The following NLRP2 variants were observed in gnomAD, a reference collection of about 807,000 sequenced individuals.
NLRP2 encodes NLR family pyrin domain containing 2, also known as NACHT, LRR and PYD domains-containing protein 2.
Under a neutral mutation model 97.2 loss-of-function variants are expected in NLRP2, and 107 were observed. The ratio of observed to expected loss-of-function variants is 1.10; its 90% CI spans 0.94 to 1.29. The LOEUF is 1.29. NLRP2 is among the 50% of genes most tolerant of loss of function. NLRP2 has a pLI of 0.00. For synonymous variants in NLRP2, 663 were observed against 551.5 expected, an observed-to-expected ratio of 1.20 and a Z score of -2.83; for missense variants, 1,495 against 1,330.3, an observed-to-expected ratio of 1.12 and a Z score of -1.93.
chr19:54,976,071 C>G (rs75456905), intron 3 of NLRP2, among the ~76,000 whole-genome samples: 1 of 149,430 alleles, frequency 6.7e-6, no homozygotes, highest in Non-Finnish European at 1.5e-5. Context: ...TTTTTTTGGA[C>G]AAAGTCTCAC....
rs1410358483 is a variant in NLRP2, at chr19:54,986,177, C to G, written c.2228C>G (p.Ala743Gly). ...TTCAAAAACATTTCCCCAGCTGATG[C>G]TCATCGGAACCTCTGCCTAGCTCTT... is the stretch of plus-strand genomic sequence containing the variant. ...VVFKNISPAD[A>G]HRNLCLALRG... The change falls in exon 8 of 13, where the codon GCT becomes GGT. Residue 743 changes from alanine to glycine, a missense_variant. Ala to Gly is a moderately conservative substitution (Grantham distance 60, BLOSUM62 0). Transcript: ENST00000448584. 6.2e-7 allele frequency: 1 copy of G among 1,613,372 alleles called. No homozygotes were observed. The highest frequency in any genetic ancestry group is 8.5e-7 in the Non-Finnish European group (1 of 1,179,398).
At chr19:54,999,349 AT>A in intron 12 of NLRP2, among the ~76,000 whole-genome samples, 1 of 152,086 alleles carries the variant, frequency 6.6e-6, no homozygotes, top group Non-Finnish European at 1.5e-5. Flanking sequence ...GTTTCTCCAT[AT>A]TGGTCAGGCT....
chr19:54,967,006 C>A (rs1262005758), intron 1 of NLRP2, among the ~76,000 whole-genome samples: 1 of 151,660 alleles, frequency 6.6e-6, no homozygotes, highest in African/African-American at 2.4e-5. Flanking sequence ...CACATCTGTT[C>A]TGGCTAATAA....
At chr19:54,990,263 T>C in intron 9 of NLRP2, 71 bp downstream of exon 9, 1 of 1,505,036 alleles carries the variant, frequency 6.6e-7, no homozygotes, top group Non-Finnish European at 9.2e-7. Flanking sequence ...TGGTCATGCC[T>C]GACTTGGCTG....
intron 11 of NLRP2, among the ~76,000 whole-genome samples, chr19:54,995,132 G>A (rs1398734071): frequency 1.1e-5 from 1 of 89,312 alleles, no homozygotes; most frequent in African/African-American, 5.2e-5. Flanking sequence ...TGGCCAACTT[G>A]AAACTCCATC....
chr19:54,997,833 G>A (rs541781197), intron 12 of NLRP2, among the ~76,000 whole-genome samples: 4 of 141,226 alleles, frequency 2.8e-5, no homozygotes, highest in African/African-American at 1.1e-4. Flanking sequence ...ATGATGGCTC[G>A]CTGCAGGCTC....
chr19:54,994,911 A>G (rs1195220546), intron 11 of NLRP2, among the ~76,000 whole-genome samples: 4 of 150,546 alleles, frequency 2.7e-5, no homozygotes, highest in Non-Finnish European at 5.9e-5. Context: ...GCCAGGCCCT[A>G]TGTCTAAGTT....
At position 54,983,630 on chromosome 19, in the gene NLRP2, C is replaced by T. The variant is rs1430088842; in HGVS notation, c.1932C>T (p.Val644=). Residue 644 remains valine, a synonymous_variant, in exon 6 of 13, where the codon GTC becomes GTT. Coordinates refer to ENST00000448584, the MANE Select transcript of NLRP2 (RefSeq NM_017852.5). ...AVDVVPSSFC[V]KHCRNLQKMS... is the part of the protein sequence containing the mutation. ...ACGTTGTGCCATCTTCATTCTGCGTCAAGCACTGTCGAAACCTGCAGAAAA... is the reference window on the plus strand; with the variant it reads ...ACGTTGTGCCATCTTCATTCTGCGTTAAGCACTGTCGAAACCTGCAGAAAA... 6.2e-7 allele frequency: 1 copy of T among 1,614,176 alleles called. No homozygotes were observed. The highest frequency in any genetic ancestry group is 8.5e-7 in the Non-Finnish European group (1 of 1,180,040).
chr19:54,995,165 C>G (rs1268544666), intron 11 of NLRP2, among the ~76,000 whole-genome samples: 5 of 146,682 alleles, frequency 3.4e-5, no homozygotes, highest in African/African-American at 1.0e-4. Context: ...TAAAAATTAG[C>G]CGAGCATAGT....
At chr19:54,970,320 T>C (rs2070766140) in intron 2 of NLRP2, 25 bp downstream of exon 2, 1 of 1,613,520 alleles carries the variant, frequency 6.2e-7, no homozygotes, top group African/African-American at 1.3e-5. Flanking sequence ...GTCCACACTG[T>C]GTCCTAGGAG....
chr19:54,974,730 C>T (rs982599524), intron 3 of NLRP2, among the ~76,000 whole-genome samples, 186 bp downstream of exon 3: 6 of 152,110 alleles, frequency 3.9e-5, no homozygotes, highest in South Asian at 2.1e-4. Flanking sequence ...AACACGATCG[C>T]GTTTGTTGGA....
rs938233315 is a variant in NLRP2 at position 54,994,359 on chromosome 19, G to T, written c.2799G>T (p.Gly933=). The part of the protein sequence containing the change: ...EKSSLLCLDL[G]LNHIGVKGMK... Reference sequence around the variant, plus strand: ...CAAGCCTGTTGTGTTTGGATCTGGGGCTGAATCACATAGGAGTTAAGGGAA... The same window carrying T: ...CAAGCCTGTTGTGTTTGGATCTGGGTCTGAATCACATAGGAGTTAAGGGAA... The change falls in exon 11 of 13, where the codon GGG becomes GGT. Residue 933 remains glycine, a synonymous_variant. Coordinates refer to ENST00000448584, the MANE Select transcript of NLRP2 (RefSeq NM_017852.5). 1 of 1,614,082 alleles carries T rather than the reference G, an allele frequency of 6.2e-7. No homozygotes were observed. The highest frequency in any genetic ancestry group is 8.5e-7 in the Non-Finnish European group (1 of 1,180,032).
chr19:54,990,016 C>G lies in NLRP2; in HGVS notation c.2367-6C>G. The G allele has an allele frequency of 6.2e-7, 1 of 1,613,882 alleles. No individual in the cohort carries two copies. Among genetic ancestry groups the G allele is most frequent in the Non-Finnish European group, 8.5e-7 (1 of 1,179,982 alleles). On this transcript the variant is annotated splice_polypyrimidine_tract_variant and splice_region_variant and intron_variant, in intron 8 of 12. Transcript: ENST00000448584. ...AAAAAATGACGTGGTCCTATTTCTC[C>G]CACAGGTTGGTGTCTTGTTCCGCTA...
At chr19:54,999,147 C>T (rs2073039603) in intron 12 of NLRP2, among the ~76,000 whole-genome samples, 2 of 151,926 alleles carry the variant, frequency 1.3e-5, no homozygotes, top group South Asian at 4.1e-4. Flanking sequence ...GGGGGGCTGA[C>T]CCCCCCACCT....
chr19:54,987,490 G>A (rs1011492029), intron 8 of NLRP2, among the ~76,000 whole-genome samples: 1 of 152,138 alleles, frequency 6.6e-6, no homozygotes, highest in Non-Finnish European at 1.5e-5. Flanking sequence ...AGGCGCAGTG[G>A]CTCACGCCTG....
chr19:54,973,168 G>A (rs1308326007), intron 2 of NLRP2, among the ~76,000 whole-genome samples: 1 of 150,828 alleles, frequency 6.6e-6, no homozygotes, highest in East Asian at 2.0e-4. Context: ...TCCAGCCTGG[G>A]TGACAGCAAG....
intron 2 of NLRP2, among the ~76,000 whole-genome samples, chr19:54,972,888 T>A (rs955510301): frequency 6.6e-6 from 1 of 152,002 alleles, no homozygotes; most frequent in African/African-American, 2.4e-5. Flanking sequence ...ACCCCAAGCC[T>A]TAAAAAGGAA....
chr19:54,977,487 TTGTGTG>T (rs61515967), intron 3 of NLRP2, among the ~76,000 whole-genome samples: 42,882 of 147,422 alleles, frequency 0.29, 6,358 homozygotes, highest in East Asian at 0.58. Context: ...CGTGAGTAGT[TTGTGTG>T]TGTGTGTGTG....
chr19:54,999,727 A>G (rs1233187462), intron 12 of NLRP2, among the ~76,000 whole-genome samples: 1 of 152,110 alleles, frequency 6.6e-6, no homozygotes, highest in African/African-American at 2.4e-5. Context: ...TTAATATTAC[A>G]TTTTATTATT....
Sources: allele counts gnomAD v4.1 joint callset (sites outside exome capture counted in the v4.1 genomes callset), GRCh38; gene constraint gnomAD v4.1.1; transcripts MANE v1.5; gene names NCBI Gene and HGNC (gene_info 2026-07-23, HGNC 2026-07-21).